Variants in METTL4 observed in about 807,000 individuals in gnomAD.
METTL4 encodes N(6)-adenine-specific methyltransferase METTL4.
Under a neutral mutation model 54.0 loss-of-function variants are expected in METTL4, and 40 were observed. The observed-to-expected ratio is 0.74, with a 90% CI of 0.58 to 0.96. The LOEUF is 0.96. METTL4 is among the 50% of genes least tolerant of loss of function. The pLI is 0.00. For missense variants in METTL4, 525 were observed against 549.0 expected (o/e 0.96, Z 0.44); for synonymous variants, 169 against 183.8 (o/e 0.92, Z 0.65).
intron 3 of METTL4, among the ~76,000 whole-genome samples, chr18:2,558,726 A>G (rs1449693527): frequency 1.3e-5 from 2 of 152,152 alleles, no homozygotes; most frequent in African/African-American, 4.8e-5. Context: ...TAAATCATAT[A>G]TCTGATAGGG....
At chr18:2,553,692 C>G (rs2072195454) in intron 4 of METTL4, 1 of 152,098 alleles carries the variant, frequency 6.6e-6, no homozygotes, top group Admixed American at 6.5e-5. Flanking sequence ...AAGAGCTGTC[C>G]TTTCTCCCCC....
chr18:2,561,504 T>G (rs893674731), intron 3 of METTL4: 4 of 152,230 alleles, frequency 2.6e-5, no homozygotes, highest in African/African-American at 9.6e-5. Flanking sequence ...AATTTAGAAA[T>G]TTAACTTGAT....
chr18:2,544,124 T>G, intron 8 of METTL4, 71 bp downstream of exon 8: 1 of 1,234,256 alleles, frequency 8.1e-7, no homozygotes, highest in Non-Finnish European at 1.2e-6. Flanking sequence ...TGTAGGCCGT[T>G]TAAATACTAA....
At position 2,555,044 on chromosome 18, in the gene METTL4, A is replaced by G; in HGVS notation, c.460-6T>C. On this transcript the variant is annotated splice_region_variant and splice_polypyrimidine_tract_variant and intron_variant, in intron 3 of 8. Transcript: ENST00000574538. ...TCCAAAATCAGCTCCCTGATCTGTA[A>G]GAGAATTTTAAGTACATTAAAAGAA... The G allele has an allele frequency of 3.7e-6, 6 of 1,608,178 alleles. No homozygotes were observed. Among genetic ancestry groups the G allele is most frequent in the Non-Finnish European group, 4.2e-6 (5 of 1,178,720 alleles).
At chr18:2,564,122 G>C (rs2072365236) in intron 2 of METTL4, among the ~76,000 whole-genome samples, 1 of 152,072 alleles carries the variant, frequency 6.6e-6, no homozygotes, top group Non-Finnish European at 1.5e-5. Flanking sequence ...AACTAGTTCT[G>C]GCCGGGCACG....
chr18:2,552,939 A>G, intron 4 of METTL4, 175 bp from the exon 5 acceptor site: 1 of 554,952 alleles, frequency 1.8e-6, no homozygotes, highest in Non-Finnish European at 3.2e-6. Context: ...TAAATATTAG[A>G]TGTTTCCTTT....
Position 2,539,097 on chromosome 18 carries a change from A to C in METTL4, c.1322T>G (p.Phe441Cys), listed in dbSNP as rs2071954362. The change falls in exon 9 of 9, where the codon TTT becomes TGT. Residue 441 changes from phenylalanine (F) to cysteine (C), a missense_variant. Coordinates refer to ENST00000574538, the MANE Select transcript of METTL4 (RefSeq NM_022840.5). ...IKPDGEYLEL[F>C]ARNLQPGWTS... is the part of the protein sequence containing the mutation. ...CCAACCTGGCTGTAAATTTCGAGCA[A>C]ACAACTCCAAATATTCCCCATCTGG... 2 of 1,614,022 alleles carry C rather than the reference A, an allele frequency of 1.2e-6. No homozygotes were observed. The highest frequency in any genetic ancestry group is 2.2e-5 in the South Asian group (2 of 91,074).
chr18:2,544,291 T>C lies in METTL4; in HGVS notation c.1182-5A>G. On this transcript the variant is annotated splice_polypyrimidine_tract_variant and splice_region_variant and intron_variant, in intron 7 of 8. Coordinates refer to ENST00000574538, the MANE Select transcript of METTL4 (RefSeq NM_022840.5). ...AGCACGTTTACATCTGCATTCCTAA[T>C]TAAACAGAACAAGAAAGTAAACTAT... 1.2e-6 allele frequency: 2 copies of C among 1,601,548 alleles called. No individual in the cohort carries two copies. Among genetic ancestry groups the C allele is most frequent in the Non-Finnish European group, 8.5e-7 (1 of 1,172,204 alleles).
intron 3 of METTL4, 40 bp from the exon 4 acceptor site, chr18:2,555,078 T>A (rs781488074): frequency 6.3e-7 from 1 of 1,580,470 alleles, no homozygotes; most frequent in East Asian, 2.2e-5. Flanking sequence ...AACGTTGACA[T>A]TAAAAAAGAA....
At chr18:2,544,045 T>C (rs1268428632) in intron 8 of METTL4, 150 bp downstream of exon 8, 4 of 521,854 alleles carry the variant, frequency 7.7e-6, no homozygotes, top group East Asian at 3.1e-5. Context: ...AGGCAAATTC[T>C]GCTATGAATT....
intron 1 of METTL4, among the ~76,000 whole-genome samples, chr18:2,570,255 A>C (rs937593155): frequency 3.3e-5 from 5 of 152,322 alleles, no homozygotes; most frequent in African/African-American, 1.2e-4. Context: ...GCTGCTTCTC[A>C]AGATCCTCAG....
At chr18:2,540,926 TAA>T in intron 8 of METTL4, 1 of 985,166 alleles carries the variant, frequency 1.0e-6, no homozygotes, top group South Asian at 4.7e-5. Flanking sequence ...GCACCCACTA[TAA>T]TCAGTGTTAT....
At chr18:2,544,788 T>C (rs1432982840) in intron 6 of METTL4, 29 bp from the exon 7 acceptor site, 1 of 1,485,328 alleles carries the variant, frequency 6.7e-7, no homozygotes, top group East Asian at 2.3e-5. Flanking sequence ...CAAAAGAGGG[T>C]TATTTTTTCC....
At chr18:2,553,151 T>C (rs1245171293) in intron 4 of METTL4, 1 of 154,404 alleles carries the variant, frequency 6.5e-6, no homozygotes, top group African/African-American at 2.4e-5. Context: ...AACTGACTTA[T>C]TGGCCATAAT....
At chr18:2,545,650 C>T (rs2072058902) in intron 6 of METTL4, among the ~76,000 whole-genome samples, 1 of 152,062 alleles carries the variant, frequency 6.6e-6, no homozygotes. Context: ...ATACTGATAT[C>T]TGTGAAACTC....
intron 6 of METTL4, among the ~76,000 whole-genome samples, chr18:2,545,407 AG>A (rs1202518481): frequency 6.6e-6 from 1 of 152,142 alleles, no homozygotes; most frequent in African/African-American, 2.4e-5. Flanking sequence ...TACACGAGAT[AG>A]TATCATTAAA....
chr18:2,565,908 G>GTGC (rs2072403902), intron 2 of METTL4, among the ~76,000 whole-genome samples: 1 of 151,916 alleles, frequency 6.6e-6, no homozygotes, highest in Non-Finnish European at 1.5e-5. Context: ...TTAGCCAGGC[G>GTGC]TGGTGGCAAG....
Position 2,567,098 on chromosome 18 carries a change from G to A in METTL4, c.119C>T (p.Thr40Ile). The A allele has an allele frequency of 6.2e-7, 1 of 1,614,160 alleles. No individual in the cohort carries two copies. The highest frequency in any genetic ancestry group is 1.1e-5 in the South Asian group (1 of 91,084). The change falls in exon 2 of 9, where the codon ACT becomes ATT. Residue 40 changes from threonine to isoleucine, a missense_variant. By Grantham distance (89) the Thr-to-Ile change is moderately conservative. Coordinates refer to ENST00000574538, the MANE Select transcript of METTL4 (RefSeq NM_022840.5). ...HEPCCRKKEF[T>I]TSVHFESLQM... ...AAGAGACTCAAAGTGAACAGAAGTA[G>A]TGAACTCCTTTTTACGGCAACAAGG...
intron 2 of METTL4, 107 bp from the exon 3 acceptor site, chr18:2,563,966 T>G (rs577416813): frequency 3.1e-6 from 2 of 639,506 alleles, no homozygotes; most frequent in African/African-American, 3.8e-5. Flanking sequence ...TAATTAATAA[T>G]TAATAGTAGT....
Sources: allele counts gnomAD v4.1 joint callset (sites outside exome capture counted in the v4.1 genomes callset), GRCh38; gene constraint gnomAD v4.1.1; transcripts MANE v1.5; gene names NCBI Gene and HGNC (gene_info 2026-07-23, HGNC 2026-07-21).